LHFPL3: variants seen among roughly 807,000 people sequenced by gnomAD.
LHFPL3 encodes the protein LHFPL tetraspan subfamily member 3 protein.
Under a neutral mutation model 19.3 loss-of-function variants are expected in LHFPL3, and 5 were observed. The ratio of observed to expected loss-of-function variants is 0.26; its 90% CI spans 0.14 to 0.54. The LOEUF is 0.54. Ranked by LOEUF, LHFPL3 falls within the 20% of genes least tolerant of loss-of-function variation. The pLI is 0.94. For missense variants in LHFPL3, 249 were observed against 307.4 expected (o/e 0.81, Z 1.42); for synonymous variants, 133 against 126.2 (o/e 1.05, Z -0.36).
chr7:104,625,083 CACTTCTAATTTATCAAA>C (rs778855399), intron 1 of LHFPL3, among the ~76,000 whole-genome samples: 2 of 152,130 alleles, frequency 1.3e-5, no homozygotes, highest in Non-Finnish European at 2.9e-5. Context: ...GGGTCTTTCC[CACTTCTAATTTATCAAA>C]ACATCTCTGC....
chr7:104,447,721 T>C (rs1792356677), intron 1 of LHFPL3, among the ~76,000 whole-genome samples: 1 of 152,212 alleles, frequency 6.6e-6, no homozygotes, highest in South Asian at 2.1e-4. Context: ...CCAAGATTCC[T>C]ATCTTGGACA....
chr7:104,458,972 T>C (rs1187367846), intron 1 of LHFPL3, among the ~76,000 whole-genome samples: 1 of 152,178 alleles, frequency 6.6e-6, no homozygotes, highest in Non-Finnish European at 1.5e-5. Flanking sequence ...GAAAGGATCT[T>C]GGCACCTAAG....
At chr7:104,503,596 G>T (rs1348384897) in intron 1 of LHFPL3, among the ~76,000 whole-genome samples, 1 of 151,736 alleles carries the variant, frequency 6.6e-6, no homozygotes, top group South Asian at 2.1e-4. Context: ...TTGAGACTGG[G>T]TCTCACCCTA....
At chr7:104,488,503 A>C (rs1169104465) in intron 1 of LHFPL3, among the ~76,000 whole-genome samples, 2 of 151,984 alleles carry the variant, frequency 1.3e-5, no homozygotes, top group Non-Finnish European at 2.9e-5. Context: ...ATATATTTTC[A>C]CTTTAGAAGT....
intron 1 of LHFPL3, among the ~76,000 whole-genome samples, chr7:104,665,905 C>T (rs1792325958): frequency 6.6e-6 from 1 of 152,164 alleles, no homozygotes; most frequent in South Asian, 2.1e-4. Flanking sequence ...CTCATCTCTT[C>T]TGTCTCTTAC....
At chr7:104,486,165 T>C (rs1429804211) in intron 1 of LHFPL3, among the ~76,000 whole-genome samples, 1 of 152,234 alleles carries the variant, frequency 6.6e-6, no homozygotes, top group Non-Finnish European at 1.5e-5. Context: ...TGGTAATTTA[T>C]GTATTCCTGT....
At chr7:104,336,759 GA>G (rs778054024) in intron 1 of LHFPL3, among the ~76,000 whole-genome samples, 2 of 152,194 alleles carry the variant, frequency 1.3e-5, no homozygotes, top group Non-Finnish European at 2.9e-5. Context: ...ATGATTGTCT[GA>G]GTGAAGTTGA....
Position 104,365,797 on chromosome 7 carries a change from A to AAAAAAAAAAG in LHFPL3, c.445+36581_445+36582insAGAAAAAAAA, listed in dbSNP as rs1554381866. On this transcript the variant is annotated intron_variant, in intron 1 of 2. Transcript: ENST00000424859. Reference sequence around the variant, plus strand: ...AGCGAGACTCCGTCTCAAAAAAAAAAAAAAAAAAGAAAAGCCTCTTTCCAG... The same window carrying AAAAAAAAAAG: ...AGCGAGACTCCGTCTCAAAAAAAAAAAAAAAAAAAGAAAAAAAAGAAAAGCCTCTTTCCAG... Among the ~76,000 whole-genome samples, 24 of 125,966 alleles carry AAAAAAAAAAG rather than the reference A, an allele frequency of 1.9e-4. 1 individual carries two copies. Among genetic ancestry groups the AAAAAAAAAAG allele is most frequent in the Admixed American group, 4.7e-4 (5 of 10,620 alleles). 82.6% of individuals were successfully genotyped at this position (125,966 alleles called of 152,430 possible). A position where few individuals can be genotyped will look rare whatever the true frequency, so the allele number is the denominator to read the frequency against.
At chr7:104,855,647 G>A (rs544981316) in intron 2 of LHFPL3, among the ~76,000 whole-genome samples, 9 of 146,840 alleles carry the variant, frequency 6.1e-5, no homozygotes, top group South Asian at 2.1e-4. Flanking sequence ...TTTTTTAGTC[G>A]GAGCCTCGCT....
At chr7:104,608,245 C>A (rs1791143066) in intron 1 of LHFPL3, among the ~76,000 whole-genome samples, 1 of 151,788 alleles carries the variant, frequency 6.6e-6, no homozygotes, top group Non-Finnish European at 1.5e-5. Flanking sequence ...TGGAACCAAC[C>A]CAAATGTCCA....
rs745895032 is a variant in LHFPL3, at chr7:104,328,800, TGCCGCC to T, written c.36_41del (p.Ala13_Ala14del). 4.0e-5 allele frequency: 63 copies of T among 1,592,060 alleles called. No homozygotes were observed. The highest frequency in any genetic ancestry group is 1.9e-4 in the South Asian group (17 of 89,784). ...GGAGAATGCCCGGAGCCGCCGCCGC[TGCCGCC>T]GCCGCCGCCGCCGCGATGCTCCCGG... On this transcript the variant is annotated inframe_deletion, in exon 1 of 3. Transcript: ENST00000424859. The surrounding 1 kb of genome is among the most constrained non-coding windows in gnomAD (Gnocchi z 4.6).
intron 2 of LHFPL3, among the ~76,000 whole-genome samples, chr7:104,755,692 G>C (rs976867362): frequency 1.3e-5 from 2 of 151,590 alleles, no homozygotes; most frequent in Non-Finnish European, 1.5e-5. Context: ...TTGTTTCTTT[G>C]TTTGTTTGTT....
chr7:104,555,305 T>C (rs1425573637), intron 1 of LHFPL3, among the ~76,000 whole-genome samples: 1 of 152,234 alleles, frequency 6.6e-6, no homozygotes, highest in Non-Finnish European at 1.5e-5. Context: ...AGAGCATCTG[T>C]ATTAGTCCGT....
chr7:104,548,434 C>A (rs1794609663), intron 1 of LHFPL3, among the ~76,000 whole-genome samples: 1 of 152,062 alleles, frequency 6.6e-6, no homozygotes, highest in South Asian at 2.1e-4. Flanking sequence ...CTTACACATT[C>A]TAGATGATTT....
chr7:104,801,771 C>T (rs1380137030), intron 2 of LHFPL3, among the ~76,000 whole-genome samples: 2 of 152,002 alleles, frequency 1.3e-5, no homozygotes, highest in African/African-American at 2.4e-5. Context: ...GGGGTTTCAC[C>T]GTGTTAGCTG....
intron 1 of LHFPL3, among the ~76,000 whole-genome samples, chr7:104,578,700 AC>A (rs1051887080): frequency 1.9e-4 from 29 of 151,554 alleles, no homozygotes; most frequent in African/African-American, 6.5e-4. Context: ...GCTTGACAGT[AC>A]CCCCCTACCC....
At chr7:104,871,866 C>G (rs955502694) in intron 2 of LHFPL3, among the ~76,000 whole-genome samples, 2 of 151,912 alleles carry the variant, frequency 1.3e-5, no homozygotes, top group African/African-American at 4.8e-5. Context: ...CCATGTTGGT[C>G]AGGCTGGTCT....
At chr7:104,686,307 G>A (rs986817386) in intron 1 of LHFPL3, among the ~76,000 whole-genome samples, 1 of 152,118 alleles carries the variant, frequency 6.6e-6, no homozygotes. Flanking sequence ...ACCACCATGG[G>A]GAGTACAGGT....
intron 1 of LHFPL3, among the ~76,000 whole-genome samples, chr7:104,463,666 A>T (rs565576151): frequency 2.9e-4 from 44 of 152,340 alleles, no homozygotes; most frequent in African/African-American, 1.0e-3. Flanking sequence ...TGAGAGGGAA[A>T]GCAGAGAAAA....
Sources: allele counts gnomAD v4.1 joint callset (sites outside exome capture counted in the v4.1 genomes callset), GRCh38; gene constraint gnomAD v4.1.1; non-coding constraint Gnocchi (gnomAD v3.1); transcripts MANE v1.5; gene names NCBI Gene and HGNC (gene_info 2026-07-23, HGNC 2026-07-21).